Variants in PCP4 observed in about 807,000 individuals in gnomAD.
PCP4 encodes the protein Purkinje cell protein 4, also known as calmodulin regulator protein PCP4.
In PCP4, 8 loss-of-function variants were observed where a neutral mutation model predicts 10.0. That is an observed-to-expected ratio of 0.80 (90% CI 0.47 to 1.45). The LOEUF (loss-of-function observed/expected upper bound fraction) is 1.45. Ranked by LOEUF, PCP4 falls within the 40% of genes most tolerant of loss-of-function variation. PCP4 has a pLI of 0.00. For missense variants in PCP4, 54 were observed against 74.4 expected, an observed-to-expected ratio of 0.73 and a Z score of 1.01; for synonymous variants, 21 against 23.0, an observed-to-expected ratio of 0.91 and a Z score of 0.24.
intron 1 of PCP4, among the ~76,000 whole-genome samples, chr21:39,882,192 C>A (rs959611538): frequency 1.3e-5 from 2 of 152,188 alleles, no homozygotes; most frequent in East Asian, 3.9e-4. Context: ...CTTGAATAAC[C>A]GCAGGTTTGG....
intron 1 of PCP4, among the ~76,000 whole-genome samples, chr21:39,888,623 C>G (rs761949220): frequency 6.6e-6 from 1 of 152,198 alleles, no homozygotes; most frequent in Non-Finnish European, 1.5e-5. Flanking sequence ...GGGACTCCCC[C>G]GCTGCCCCCG....
intron 2 of PCP4, among the ~76,000 whole-genome samples, chr21:39,922,428 G>T (rs2087601007): frequency 6.6e-6 from 1 of 152,170 alleles, no homozygotes; most frequent in African/African-American, 2.4e-5. Flanking sequence ...TGGGGGAAAG[G>T]CAGTATTTCA....
chr21:39,901,998 A>G (rs1265626292), intron 2 of PCP4, among the ~76,000 whole-genome samples: 4 of 152,192 alleles, frequency 2.6e-5, no homozygotes, highest in Non-Finnish European at 5.9e-5. Context: ...AATTCCTGAT[A>G]TGAGACGATC....
intron 1 of PCP4, among the ~76,000 whole-genome samples, chr21:39,878,069 C>T (rs910232771): frequency 6.6e-6 from 1 of 152,088 alleles, no homozygotes; most frequent in African/African-American, 2.4e-5. Flanking sequence ...ATTGAACTCC[C>T]ATTGATGGAG....
intron 1 of PCP4, among the ~76,000 whole-genome samples, chr21:39,891,817 C>T (rs1457705698): frequency 6.6e-6 from 1 of 152,236 alleles, no homozygotes; most frequent in Non-Finnish European, 1.5e-5. Context: ...TTCTTCTCTG[C>T]ACTTATAAGA....
At chr21:39,921,087 G>T (rs1432488989) in intron 2 of PCP4, among the ~76,000 whole-genome samples, 1 of 152,222 alleles carries the variant, frequency 6.6e-6, no homozygotes, top group African/African-American at 2.4e-5. Flanking sequence ...CCAGGACAGG[G>T]ATGGCTCTCT....
chr21:39,903,272 G>A (rs2087489466), intron 2 of PCP4, among the ~76,000 whole-genome samples: 1 of 152,214 alleles, frequency 6.6e-6, no homozygotes, highest in Non-Finnish European at 1.5e-5. Flanking sequence ...GATTTCTCTT[G>A]ACTTAGCGAG....
intron 1 of PCP4, among the ~76,000 whole-genome samples, chr21:39,874,794 CT>C (rs909951516): frequency 2.0e-5 from 3 of 152,042 alleles, no homozygotes; most frequent in African/African-American, 7.2e-5. Context: ...GTAGCTCCCC[CT>C]TATCTTCAGA....
At chr21:39,911,302 G>A (rs944781585) in intron 2 of PCP4, among the ~76,000 whole-genome samples, 2 of 152,130 alleles carry the variant, frequency 1.3e-5, no homozygotes, top group African/African-American at 4.8e-5. Flanking sequence ...ATTTCCTCTA[G>A]AAAAACTGCA....
At chr21:39,879,710 C>G (rs2087363077) in intron 1 of PCP4, among the ~76,000 whole-genome samples, 1 of 152,166 alleles carries the variant, frequency 6.6e-6, no homozygotes. Flanking sequence ...CAGTTAAAAA[C>G]ACATCATGGT....
At position 39,929,194 on chromosome 21, in the gene PCP4, G is replaced by C. The variant is rs1330343557; in HGVS notation, c.*83G>C. 7.1e-7 allele frequency: 1 copy of C among 1,406,918 alleles called. No homozygotes were observed. Among genetic ancestry groups the C allele is most frequent in the Non-Finnish European group, 9.7e-7 (1 of 1,027,620 alleles). 87.2% of individuals were successfully genotyped at this position (1,406,918 alleles called of 1,614,324 possible). ...GAAATTAAAAGAACAACACCCTAGA[G>C]AGAAGTCATCCACACACAATCCACA... On this transcript the variant is annotated 3_prime_UTR_variant, in exon 3 of 3. Transcript: ENST00000328619.
intron 1 of PCP4, among the ~76,000 whole-genome samples, chr21:39,875,186 T>C (rs1404001629): frequency 6.6e-6 from 1 of 150,924 alleles, no homozygotes; most frequent in Non-Finnish European, 1.5e-5. Context: ...AAATATCACT[T>C]TTTTTTTTCT....
chr21:39,875,695 T>A (rs897739820), intron 1 of PCP4, among the ~76,000 whole-genome samples: 2 of 152,246 alleles, frequency 1.3e-5, no homozygotes, highest in Admixed American at 1.3e-4. Flanking sequence ...ATAACAGAAC[T>A]ATGGAATAGT....
intron 1 of PCP4, among the ~76,000 whole-genome samples, chr21:39,880,130 G>A (rs201989418): frequency 9.0e-4 from 128 of 141,590 alleles, no homozygotes; most frequent in Middle Eastern, 3.6e-3. Context: ...ATCTATATCT[G>A]TATCTATATC....
intron 1 of PCP4, among the ~76,000 whole-genome samples, chr21:39,877,110 T>C (rs2087350212): frequency 6.6e-6 from 1 of 152,216 alleles, no homozygotes; most frequent in South Asian, 2.1e-4. Flanking sequence ...TGCTATTACA[T>C]TTCTCATTTT....
At chr21:39,888,731 A>T (rs1312146680) in intron 1 of PCP4, among the ~76,000 whole-genome samples, 1 of 152,170 alleles carries the variant, frequency 6.6e-6, no homozygotes, top group Non-Finnish European at 1.5e-5. Context: ...CCAAAGTGGA[A>T]GCAGTGGGTC....
At chr21:39,883,652 T>C (rs2087386530) in intron 1 of PCP4, 1 of 152,256 alleles carries the variant, frequency 6.6e-6, no homozygotes, top group Non-Finnish European at 1.5e-5. Context: ...TTCTGTATTC[T>C]ATTTTATTTT....
chr21:39,926,141 C>T (rs995961034), intron 2 of PCP4: 2 of 451,654 alleles, frequency 4.4e-6, no homozygotes, highest in Non-Finnish European at 4.5e-6. Context: ...TCCCCGCCGC[C>T]CCGGGAACTG....
intron 2 of PCP4, among the ~76,000 whole-genome samples, chr21:39,899,492 G>A (rs1186535220): frequency 6.6e-6 from 1 of 152,152 alleles, no homozygotes; most frequent in Non-Finnish European, 1.5e-5. Flanking sequence ...TGGTGGGTCT[G>A]AGCTGAGCAA....
Sources: gnomAD v4.1 joint callset for allele counts (sites outside exome capture counted in the v4.1 genomes callset) on GRCh38, gnomAD v4.1.1 for gene constraint, MANE v1.5 for transcripts, NCBI Gene and HGNC (gene_info 2026-07-23, HGNC 2026-07-21) for gene names.